Variants in ATF6 observed in about 807,000 individuals in gnomAD.
The protein encoded by ATF6 is cyclic AMP-dependent transcription factor ATF-6 alpha.
ATF6 carries 53 observed loss-of-function variants against 83.6 expected under a neutral mutation model. The observed-to-expected ratio is 0.63, with a 90% confidence interval of 0.51 to 0.80. The LOEUF (loss-of-function observed/expected upper bound fraction) is 0.80, where lower values mean the gene tolerates loss of function less well. ATF6 is among the 30% of genes least tolerant of loss of function. ATF6 has a pLI of 0.00. For synonymous variants in ATF6, 288 were observed against 285.8 expected (o/e 1.01, Z -0.08); for missense variants, 744 against 797.9 (o/e 0.93, Z 0.81).
intron 15 of ATF6, among the ~76,000 whole-genome samples, chr1:161,925,214 C>T (rs1688289924): frequency 6.6e-6 from 1 of 152,146 alleles, no homozygotes; most frequent in Non-Finnish European, 1.5e-5. Context: ...TCTGGTTTTT[C>T]CACATCTGTT....
At chr1:161,785,577 G>A in intron 4 of ATF6, among the ~76,000 whole-genome samples, 1 of 151,984 alleles carries the variant, frequency 6.6e-6, no homozygotes, top group East Asian at 1.9e-4. Context: ...GAGTATTTGT[G>A]TTGTTTTTAG....
At chr1:161,921,138 G>T (rs184188181) in intron 15 of ATF6, among the ~76,000 whole-genome samples, 2 of 152,134 alleles carry the variant, frequency 1.3e-5, no homozygotes, top group Non-Finnish European at 2.9e-5. Context: ...GAGCAGCTAA[G>T]GCCAAGCAGC....
intron 14 of ATF6, among the ~76,000 whole-genome samples, chr1:161,880,352 A>G (rs552170135): frequency 8.4e-4 from 126 of 150,726 alleles, no homozygotes; most frequent in Middle Eastern, 6.8e-3. Flanking sequence ...GTGTGTGTGT[A>G]TATATGTATA....
intron 1 of ATF6, among the ~76,000 whole-genome samples, chr1:161,768,819 C>T (rs900478639): frequency 4.6e-5 from 7 of 152,060 alleles, no homozygotes; most frequent in Non-Finnish European, 8.8e-5. Flanking sequence ...CATCCTGCCT[C>T]AACCTCCCAG....
At chr1:161,889,163 T>C (rs1186139738) in intron 14 of ATF6, among the ~76,000 whole-genome samples, 2 of 152,240 alleles carry the variant, frequency 1.3e-5, no homozygotes, top group South Asian at 2.1e-4. Flanking sequence ...TATCCTAATA[T>C]GGCACATGTG....
intron 14 of ATF6, among the ~76,000 whole-genome samples, chr1:161,886,620 T>C (rs1687427516): frequency 6.6e-6 from 1 of 152,214 alleles, no homozygotes; most frequent in African/African-American, 2.4e-5. Context: ...TTAAGTGCCA[T>C]GTATCAGATT....
chr1:161,902,339 T>C (rs1465186526), intron 14 of ATF6, among the ~76,000 whole-genome samples: 1 of 152,262 alleles, frequency 6.6e-6, no homozygotes, highest in Non-Finnish European at 1.5e-5. Context: ...AGAATGTTAA[T>C]AATTTTTACT....
At chr1:161,878,456 G>A (rs897743815) in intron 14 of ATF6, among the ~76,000 whole-genome samples, 1 of 152,092 alleles carries the variant, frequency 6.6e-6, no homozygotes, top group Non-Finnish European at 1.5e-5. Context: ...GGGAATAATG[G>A]AGTCATCAAG....
intron 9 of ATF6, chr1:161,840,442 G>A (rs1686328194): frequency 6.6e-6 from 1 of 152,168 alleles, no homozygotes; most frequent in African/African-American, 2.4e-5. Flanking sequence ...TTCTTTTAAG[G>A]ATAAGAAGCA....
intron 10 of ATF6, among the ~76,000 whole-genome samples, chr1:161,847,042 G>T (rs963539594): frequency 6.6e-6 from 1 of 151,994 alleles, no homozygotes; most frequent in African/African-American, 2.4e-5. Flanking sequence ...CTCCCTTGTT[G>T]CAATTTAATA....
At chr1:161,790,823 A>G (rs1383011201) in intron 4 of ATF6, among the ~76,000 whole-genome samples, 1 of 151,904 alleles carries the variant, frequency 6.6e-6, no homozygotes. Flanking sequence ...CAACAACAAC[A>G]ACAACAACAA....
At chr1:161,828,994 T>C (rs1300279168) in intron 9 of ATF6, among the ~76,000 whole-genome samples, 1 of 152,060 alleles carries the variant, frequency 6.6e-6, no homozygotes, top group African/African-American at 2.4e-5. Context: ...TAGTCTCTGA[T>C]AAAACAGACT....
chr1:161,902,252 G>A (rs1425512567), intron 14 of ATF6, among the ~76,000 whole-genome samples: 2 of 152,152 alleles, frequency 1.3e-5, no homozygotes, highest in African/African-American at 4.8e-5. Context: ...ATTCACCCAA[G>A]TGCTTTTTCT....
At chr1:161,833,122 G>A (rs1429770425) in intron 9 of ATF6, among the ~76,000 whole-genome samples, 3 of 152,178 alleles carry the variant, frequency 2.0e-5, no homozygotes, top group South Asian at 2.1e-4. Flanking sequence ...TGCAGCCACC[G>A]CTGCTGATAC....
chr1:161,814,582 G>A (rs753709985), intron 7 of ATF6, among the ~76,000 whole-genome samples: 4 of 152,196 alleles, frequency 2.6e-5, no homozygotes, highest in Admixed American at 6.5e-5. Flanking sequence ...CAGGTTGCCA[G>A]TATGAAGCTT....
intron 15 of ATF6, among the ~76,000 whole-genome samples, chr1:161,918,813 T>C (rs1217481037): frequency 6.6e-6 from 1 of 152,162 alleles, no homozygotes; most frequent in Non-Finnish European, 1.5e-5. Context: ...TGGCAAAGGA[T>C]AGAAAGTGAA....
At chr1:161,782,244 A>G (rs887975226) in intron 3 of ATF6, among the ~76,000 whole-genome samples, 8 of 152,228 alleles carry the variant, frequency 5.3e-5, no homozygotes, top group African/African-American at 1.9e-4. Flanking sequence ...AAATAGAAAT[A>G]GTGATTTTGA....
chr1:161,796,320 C>T (rs1239571950), intron 6 of ATF6, among the ~76,000 whole-genome samples: 2 of 152,118 alleles, frequency 1.3e-5, no homozygotes, highest in African/African-American at 4.8e-5. Flanking sequence ...CCAAAGTTCC[C>T]TGAACAGTGT....
intron 14 of ATF6, among the ~76,000 whole-genome samples, chr1:161,903,731 T>A (rs1687833443): frequency 6.6e-6 from 1 of 152,144 alleles, no homozygotes; most frequent in South Asian, 2.1e-4. Flanking sequence ...AGGACACAGA[T>A]TAAGGAACTT....
Sources: allele counts gnomAD v4.1 joint callset (sites outside exome capture counted in the v4.1 genomes callset), GRCh38; gene constraint gnomAD v4.1.1; transcripts MANE v1.5; gene names NCBI Gene and HGNC (gene_info 2026-07-23, HGNC 2026-07-21).